BLOC1S3: variants seen among roughly 807,000 people sequenced by gnomAD.
BLOC1S3 encodes biogenesis of lysosome-related organelles complex 1 subunit 3.
BLOC1S3 carries 7 observed loss-of-function variants against 9.1 expected under a neutral mutation model. That is an observed-to-expected ratio of 0.77 (90% CI 0.44 to 1.45). The LOEUF is 1.45. Ranked by LOEUF, BLOC1S3 falls within the 40% of genes most tolerant of loss-of-function variation. The pLI is 0.01. For missense variants in BLOC1S3, 307 were observed against 315.2 expected (o/e 0.97, Z 0.20); for synonymous variants, 145 against 158.4 (o/e 0.92, Z 0.64).
chr19:45,193,031 G>C (rs1969618004), intron 2 of BLOC1S3, among the ~76,000 whole-genome samples: 1 of 149,734 alleles, frequency 6.7e-6, no homozygotes, highest in African/African-American at 2.5e-5. Flanking sequence ...TACTCAGGAG[G>C]CTGAGGCAGG....
At chr19:45,200,237 A>G (rs368950620) in intron 2 of BLOC1S3, among the ~76,000 whole-genome samples, 61 of 143,206 alleles carry the variant, frequency 4.3e-4, no homozygotes, top group African/African-American at 1.5e-3. Context: ...GCTGGGGTGC[A>G]GTGACACGAT....
rs770932040 is a variant in BLOC1S3, at chr19:45,179,940, G to T, written c.*35G>T. 3.1e-6 allele frequency: 5 copies of T among 1,595,540 alleles called. No homozygotes were observed. The highest frequency in any genetic ancestry group is 2.3e-5 in the East Asian group (1 of 42,596). On this transcript the variant is annotated 3_prime_UTR_variant, in exon 2 of 2. Transcript: ENST00000433642. The surrounding 1 kb of genome is among the most constrained non-coding windows in gnomAD (Gnocchi z 4.6). ...TACTTCCCAACCTGACTGCAATTTG[G>T]GGGTAGGCCTTGCTGCCTCTGGGAC...
chr19:45,206,623 A>AT (rs77449388), intron 3 of BLOC1S3, among the ~76,000 whole-genome samples: 118 of 133,508 alleles, frequency 8.8e-4, no homozygotes, highest in Middle Eastern at 3.9e-3. Flanking sequence ...ACCTAGTTAA[A>AT]TTTTTTTTTT....
intron 3 of BLOC1S3, among the ~76,000 whole-genome samples, chr19:45,211,183 G>A (rs961215390): frequency 2.0e-5 from 3 of 151,980 alleles, no homozygotes; most frequent in Non-Finnish European, 2.9e-5. Flanking sequence ...TTGCTCTTTT[G>A]CATATTGGCA....
intron 2 of BLOC1S3, among the ~76,000 whole-genome samples, chr19:45,191,769 T>G (rs960103171): frequency 2.0e-5 from 3 of 152,236 alleles, no homozygotes; most frequent in African/African-American, 7.2e-5. Context: ...CTTCCTTTTC[T>G]CCCAAACAAA....
intron 2 of BLOC1S3, among the ~76,000 whole-genome samples, chr19:45,193,210 T>C (rs1274903011): frequency 6.6e-6 from 1 of 150,894 alleles, no homozygotes; most frequent in Non-Finnish European, 1.5e-5. Context: ...GATATGAAGT[T>C]AAAACCAGGT....
intron 2 of BLOC1S3, among the ~76,000 whole-genome samples, chr19:45,193,753 CT>C (rs1192911287): frequency 6.9e-6 from 1 of 143,926 alleles, no homozygotes; most frequent in Non-Finnish European, 1.5e-5. Flanking sequence ...ATTCCTTTTG[CT>C]GTGTAGTCAC....
intron 3 of BLOC1S3, among the ~76,000 whole-genome samples, chr19:45,207,724 G>C (rs527583373): frequency 1.3e-5 from 2 of 151,878 alleles, no homozygotes; most frequent in East Asian, 3.9e-4. Context: ...GAGACAGAGC[G>C]AGACTCCATC....
intron 3 of BLOC1S3, among the ~76,000 whole-genome samples, chr19:45,215,457 T>TGA (rs1969822568): frequency 6.6e-6 from 1 of 151,130 alleles, no homozygotes; most frequent in Non-Finnish European, 1.5e-5. Flanking sequence ...GGAAACAGAG[T>TGA]GAGACCCTGT....
At chr19:45,189,313 C>T (rs932169231) in intron 2 of BLOC1S3, among the ~76,000 whole-genome samples, 2 of 152,186 alleles carry the variant, frequency 1.3e-5, no homozygotes, top group African/African-American at 4.8e-5. Context: ...TGCCACTGCA[C>T]CCAGCCAGAG....
At chr19:45,216,264 C>A (rs1969834085) in intron 3 of BLOC1S3, 2 of 1,566,264 alleles carry the variant, frequency 1.3e-6, no homozygotes, top group Non-Finnish European at 1.7e-6. Flanking sequence ...CCCCTCCTGG[C>A]TTGTTATACC....
At position 45,179,660 on chromosome 19, in the gene BLOC1S3, C is replaced by A; in HGVS notation, c.364C>A (p.His122Asn). ...GGCGGAGAGCCAGGCGCGGCTGGAC[C>A]ACGACGTGGCGGCCGCCGTGAGCGG... is the stretch of plus-strand genomic sequence containing the variant. The part of the protein sequence containing the change: ...RLAESQARLD[H>N]DVAAAVSGVY... Residue 122 changes from histidine to asparagine, a missense_variant, in exon 2 of 2, where the codon CAC becomes AAC. Coordinates refer to ENST00000433642, the MANE Select transcript of BLOC1S3 (RefSeq NM_212550.5). This position sits in a 1 kb window ranked among gnomAD's most constrained non-coding sequence, Gnocchi z 4.6. The A allele has an allele frequency of 6.8e-7, 1 of 1,468,502 alleles. No individual in the cohort carries two copies. The highest frequency in any genetic ancestry group is 9.0e-7 in the Non-Finnish European group (1 of 1,116,026). The allele number at this position is 1,468,502 out of a possible 1,614,324, so 91.0% of individuals were successfully genotyped here.
chr19:45,192,451 G>A (rs574449453), intron 2 of BLOC1S3, among the ~76,000 whole-genome samples: 4 of 152,140 alleles, frequency 2.6e-5, no homozygotes, highest in Non-Finnish European at 4.4e-5. Flanking sequence ...GCCAGACAAA[G>A]GCCCCTTTAC....
At chr19:45,183,660 T>C (rs1173887251), downstream of BLOC1S3, among the ~76,000 whole-genome samples, 1 of 130,534 alleles carries the variant, frequency 7.7e-6, no homozygotes. Flanking sequence ...GGAGTCTCAC[T>C]CTGTCGTTCA....
At chr19:45,203,345 C>G (rs982635488) in intron 3 of BLOC1S3, among the ~76,000 whole-genome samples, 1 of 152,138 alleles carries the variant, frequency 6.6e-6, no homozygotes. Context: ...GTGCTCTCGG[C>G]TCACTGCAAT....
At chr19:45,210,970 G>A (rs1969765551) in intron 3 of BLOC1S3, among the ~76,000 whole-genome samples, 1 of 152,070 alleles carries the variant, frequency 6.6e-6, no homozygotes, top group Non-Finnish European at 1.5e-5. Context: ...ATATTAGCTG[G>A]GTGTGCTGGC....
intron 2 of BLOC1S3, among the ~76,000 whole-genome samples, chr19:45,196,221 T>A (rs1969647312): frequency 6.6e-6 from 1 of 152,150 alleles, no homozygotes; most frequent in South Asian, 2.1e-4. Context: ...AGACAGGATC[T>A]CATTCTGTTG....
intron 2 of BLOC1S3, among the ~76,000 whole-genome samples, chr19:45,193,813 TTG>T: frequency 7.3e-6 from 1 of 136,550 alleles, no homozygotes; most frequent in Non-Finnish European, 1.5e-5. Flanking sequence ...GTTGTTGTTT[TTG>T]TTTTTGAGAT....
chr19:45,202,057 A>G (rs1335764642), intron 2 of BLOC1S3, among the ~76,000 whole-genome samples: 1 of 151,710 alleles, frequency 6.6e-6, no homozygotes, highest in Non-Finnish European at 1.5e-5. Flanking sequence ...CCCCGTCTCT[A>G]CTAAAAACTA....
Sources: allele counts gnomAD v4.1 joint callset (sites outside exome capture counted in the v4.1 genomes callset), GRCh38; gene constraint gnomAD v4.1.1; non-coding constraint Gnocchi (gnomAD v3.1); transcripts MANE v1.5; gene names NCBI Gene and HGNC (gene_info 2026-07-23, HGNC 2026-07-21).